INO80: variants seen among roughly 807,000 people sequenced by gnomAD.
The protein encoded by INO80 is chromatin-remodeling ATPase INO80.
In INO80, 20 loss-of-function variants were observed where a neutral mutation model predicts 203.4. That is an observed-to-expected ratio of 0.10 (90% CI 0.07 to 0.14). The LOEUF (loss-of-function observed/expected upper bound fraction) is 0.14, where lower values mean the gene tolerates loss of function less well. INO80 is among the 10% of genes least tolerant of loss of function. INO80 has a pLI of 1.00. For synonymous variants in INO80, 726 were observed against 685.2 expected (o/e 1.06, Z -0.93); for missense variants, 1,419 against 1,914.4 (o/e 0.74, Z 4.83).
intron 28 of INO80, among the ~76,000 whole-genome samples, chr15:40,998,659 T>G (rs1215322747): frequency 7.0e-6 from 1 of 142,814 alleles, no homozygotes; most frequent in Non-Finnish European, 1.5e-5. Context: ...CAAGTTTTGT[T>G]TTTTTTTTTT....
intron 16 of INO80, among the ~76,000 whole-genome samples, chr15:41,057,480 T>C (rs1160464689): frequency 7.2e-6 from 1 of 139,230 alleles, no homozygotes; most frequent in African/African-American, 2.8e-5. Context: ...AAAAAAAAGA[T>C]TGCTGTAGGA....
At position 41,073,516 on chromosome 15, in the gene INO80, A is replaced by C. The variant is rs569055811; in HGVS notation, c.1328-21T>G. ...ACTATCTGAAAAGCAAAATTTATGGATTATCACACTTTATCAACTGATTTT... is the reference window on the plus strand; with the variant it reads ...ACTATCTGAAAAGCAAAATTTATGGCTTATCACACTTTATCAACTGATTTT... On this transcript the variant is annotated intron_variant, in intron 10 of 35. Coordinates refer to ENST00000648947, the MANE Select transcript of INO80 (RefSeq NM_017553.3). 75 of 1,579,644 alleles carry C rather than the reference A, an allele frequency of 4.7e-5. 1 individual carries two copies. In the South Asian group the frequency reaches 7.9e-4, roughly 17 times the overall value.
chr15:41,048,073 A>C (rs527489393), intron 22 of INO80, 139 bp downstream of exon 22: 276 of 557,234 alleles, frequency 5.0e-4, no homozygotes, highest in Non-Finnish European at 7.8e-4. Context: ...TCCTTAATTA[A>C]ATCTTATCAA....
rs142575759 is a variant in INO80, at chr15:41,047,428, C to T, written c.2715G>A (p.Met905Ile). The change falls in exon 23 of 36, where the codon ATG (methionine) becomes ATA (isoleucine). Residue 905 changes from methionine to isoleucine, a missense_variant. Coordinates refer to ENST00000648947, the MANE Select transcript of INO80 (RefSeq NM_017553.3). Reference protein sequence around the residue: ...DISPAEMANLMLQGLLARWLA... With the variant: ...DISPAEMANLILQGLLARWLA... ...CTCACCTGGCCAAAAGTCCCTGAAG[C>T]ATAAGGTTTGCCATTTCTGCTGGAG... is the stretch of plus-strand genomic sequence containing the variant. 8.0e-4 allele frequency: 1,295 copies of T among 1,613,484 alleles called. 15 individuals are homozygous for T. Among genetic ancestry groups the T allele is most frequent in the Non-Finnish European group, 5.6e-5 (66 of 1,179,736 alleles).
intron 2 of INO80, 108 bp from the exon 3 acceptor site, chr15:41,096,036 CT>C: frequency 7.1e-7 from 1 of 1,411,920 alleles, no homozygotes; most frequent in Non-Finnish European, 9.5e-7. Flanking sequence ...AATAAATTGA[CT>C]TTTTTATTTG....
At chr15:40,990,476 T>G (rs1233227799) in intron 29 of INO80, among the ~76,000 whole-genome samples, 4 of 152,122 alleles carry the variant, frequency 2.6e-5, no homozygotes, top group African/African-American at 9.7e-5. Context: ...TCCTACCATC[T>G]CAGCTTCCCA....
intron 24 of INO80, among the ~76,000 whole-genome samples, chr15:41,040,292 A>G (rs2044647205): frequency 6.6e-6 from 1 of 152,222 alleles, no homozygotes; most frequent in South Asian, 2.1e-4. Flanking sequence ...GAAGAAATGC[A>G]AAGTCAGAGG....
intron 28 of INO80, among the ~76,000 whole-genome samples, chr15:41,004,230 T>C (rs1029307693): frequency 2.0e-5 from 3 of 152,218 alleles, no homozygotes; most frequent in African/African-American, 7.2e-5. Flanking sequence ...CTCCTTATTG[T>C]TGGTCAAACA....
chr15:41,071,556 A>G (rs1596309059), intron 12 of INO80, among the ~76,000 whole-genome samples: 1 of 149,970 alleles, frequency 6.7e-6, no homozygotes, highest in Admixed American at 6.7e-5. Flanking sequence ...CCAGATTCAA[A>G]TGATTCTCCT....
intron 9 of INO80, among the ~76,000 whole-genome samples, chr15:41,077,596 CTGT>C (rs2045425542): frequency 6.6e-6 from 1 of 151,350 alleles, no homozygotes; most frequent in African/African-American, 2.5e-5. Context: ...GTATCTTACT[CTGT>C]CACCCAGGCT....
intron 31 of INO80, 41 bp from the exon 32 acceptor site, chr15:40,985,467 G>A: frequency 7.3e-7 from 1 of 1,373,258 alleles, no homozygotes; most frequent in East Asian, 2.3e-5. Flanking sequence ...AGTACCTGTG[G>A]TAATCATAAT....
At chr15:41,025,438 G>A (rs1252170351) in intron 25 of INO80, among the ~76,000 whole-genome samples, 1 of 151,950 alleles carries the variant, frequency 6.6e-6, no homozygotes, top group African/African-American at 2.4e-5. Context: ...GAACAGGCTG[G>A]GCACAGTGGC....
chr15:41,059,720 T>C (rs557108189), intron 15 of INO80, 147 bp downstream of exon 15: 62 of 542,542 alleles, frequency 1.1e-4, no homozygotes, highest in African/African-American at 9.2e-4. Flanking sequence ...AGGAAAAGTA[T>C]TGTATCAGAA....
chr15:41,081,154 A>T (rs577432017), intron 7 of INO80, 81 bp from the exon 8 acceptor site: 3 of 870,730 alleles, frequency 3.4e-6, no homozygotes, highest in Admixed American at 4.0e-5. Flanking sequence ...CTTTTACTCA[A>T]TTCCTAGAGG....
chr15:41,074,313 C>A (rs1368629325), intron 10 of INO80, 57 bp downstream of exon 10: 6 of 1,336,630 alleles, frequency 4.5e-6, no homozygotes, highest in African/African-American at 1.5e-5. Context: ...ATGTATATAA[C>A]CTTTAGATAT....
chr15:41,087,805 A>C, intron 5 of INO80, 123 bp from the exon 6 acceptor site: 1 of 947,774 alleles, frequency 1.1e-6, no homozygotes, highest in Admixed American at 3.2e-5. Context: ...TCCCACAAAG[A>C]GATCAGTAAC....
At chr15:41,107,612 C>T (rs2045899422) in intron 1 of INO80, among the ~76,000 whole-genome samples, 1 of 150,826 alleles carries the variant, frequency 6.6e-6, no homozygotes, top group Non-Finnish European at 1.5e-5. Flanking sequence ...CCAGCCTGGC[C>T]AACATGGTGA....
intron 1 of INO80, among the ~76,000 whole-genome samples, chr15:41,097,247 T>C (rs923979758): frequency 6.6e-6 from 1 of 151,914 alleles, no homozygotes; most frequent in Non-Finnish European, 1.5e-5. Flanking sequence ...GGTTTCACCA[T>C]GTTGGTCAGG....
intron 24 of INO80, among the ~76,000 whole-genome samples, chr15:41,034,005 T>A (rs901987441): frequency 6.6e-6 from 1 of 152,042 alleles, no homozygotes; most frequent in African/African-American, 2.4e-5. Context: ...GAGCTTGCAG[T>A]GAGCTGAGAT....
Sources: gnomAD v4.1 joint callset for allele counts (sites outside exome capture counted in the v4.1 genomes callset) on GRCh38, gnomAD v4.1.1 for gene constraint, MANE v1.5 for transcripts, NCBI Gene and HGNC (gene_info 2026-07-23, HGNC 2026-07-21) for gene names.